Variants in UNC79 observed in about 807,000 individuals in gnomAD.
UNC79 encodes unc-79 subunit of NALCN channel complex.
Under a neutral mutation model 283.1 loss-of-function variants are expected in UNC79, and 37 were observed. The ratio of observed to expected loss-of-function variants is 0.13; its 90% CI spans 0.10 to 0.17. The LOEUF is 0.17. UNC79 is among the 10% of genes least tolerant of loss of function. The pLI, the probability that UNC79 is intolerant of heterozygous loss-of-function variation, is 1.00. For missense variants in UNC79, 2,272 were observed against 3,211.1 expected, an observed-to-expected ratio of 0.71 and a Z score of 7.07; for synonymous variants, 1,107 against 1,200.2, an observed-to-expected ratio of 0.92 and a Z score of 1.61.
intron 4 of UNC79, among the ~76,000 whole-genome samples, chr14:93,478,122 T>A (rs2057907768): frequency 6.6e-6 from 1 of 152,198 alleles, no homozygotes; most frequent in Non-Finnish European, 1.5e-5. Flanking sequence ...CATTAGATAG[T>A]CAGGATGTGT....
intron 30 of UNC79, among the ~76,000 whole-genome samples, chr14:93,624,164 G>T (rs1453229448): frequency 1.3e-5 from 2 of 152,122 alleles, no homozygotes; most frequent in South Asian, 4.1e-4. Flanking sequence ...GAATGCACTC[G>T]GCTTTTTTAT....
exon 23 of UNC79, chr14:93,593,731 C>A: frequency 6.2e-7 from 1 of 1,613,664 alleles, no homozygotes; most frequent in Admixed American, 1.7e-5. Context: ...CCCTGGCAGT[C>A]CCTCTTCTCC....
At chr14:93,360,524 G>A (rs2139939797) in intron 1 of UNC79, among the ~76,000 whole-genome samples, 1 of 152,328 alleles carries the variant, frequency 6.6e-6, no homozygotes, top group South Asian at 2.1e-4. Context: ...CTGGTACCTG[G>A]TATGCAGCCA....
exon 14 of UNC79, chr14:93,542,694 A>C: frequency 6.2e-7 from 1 of 1,614,234 alleles, no homozygotes; most frequent in Non-Finnish European, 8.5e-7. Context: ...GGAATTTGCC[A>C]GGGTAAGTGG....
intron 14 of UNC79, among the ~76,000 whole-genome samples, chr14:93,551,007 C>A (rs1957668): frequency 0.86 from 131,362 of 151,976 alleles, 56,864 homozygotes; most frequent in East Asian, 0.94. Flanking sequence ...CCAAAAAGAG[C>A]TGGTAGGATT....
At chr14:93,667,325 A>G (rs938620714) in intron 40 of UNC79, among the ~76,000 whole-genome samples, 1 of 152,194 alleles carries the variant, frequency 6.6e-6, no homozygotes, top group African/African-American at 2.4e-5. Context: ...GACTAATAAA[A>G]TAGACAAACC....
In UNC79 at chr14:93,600,567, A is replaced by G; in HGVS notation, c.3373-2A>G. ...CTTTTTTTTTTTCCTCCTCTTTCCC[A>G]GGGTCTATGTCTTTGTCTTGACTTC... On this transcript the variant is annotated splice_acceptor_variant, in intron 24 of 48. Coordinates refer to ENST00000555664, the Ensembl canonical transcript of UNC79. LOFTEE classifies it high-confidence loss of function. 1 of 1,587,040 alleles carries G rather than the reference A, an allele frequency of 6.3e-7. No individual in the cohort carries two copies. Among genetic ancestry groups the G allele is most frequent in the Non-Finnish European group, 8.5e-7 (1 of 1,169,908 alleles).
At chr14:93,537,964 T>A (rs1342977024) in intron 11 of UNC79, 25 bp from the exon 12 acceptor site, 1 of 1,590,940 alleles carries the variant, frequency 6.3e-7, no homozygotes, top group Non-Finnish European at 8.5e-7. Flanking sequence ...TCAATTTTAA[T>A]TGATTTCACT....
At chr14:93,397,025 G>A (rs577015890) in intron 1 of UNC79, 11 of 152,156 alleles carry the variant, frequency 7.2e-5, no homozygotes, top group Non-Finnish European at 1.2e-4. Flanking sequence ...AAAAGCCTAG[G>A]ACATCTTGTT....
chr14:93,640,258 C>T (rs138179647), intron 32 of UNC79, among the ~76,000 whole-genome samples: 4 of 152,262 alleles, frequency 2.6e-5, no homozygotes, highest in African/African-American at 7.2e-5. Flanking sequence ...ACCGTGGTAT[C>T]GATTGGCTGA....
Position 93,525,868 on chromosome 14 carries a change from G to A in UNC79, c.963+1826G>A, listed in dbSNP as rs150368794. On this transcript the variant is annotated intron_variant, in intron 8 of 48. Coordinates refer to ENST00000555664, the Ensembl canonical transcript of UNC79. ...GCCTCCTACTCACAGAAAGCATCAT[G>A]AATTAGATTTTCTACTTCTTTTCTA... Among the ~76,000 whole-genome samples, 1,267 of 152,198 alleles carry A rather than the reference G, an allele frequency of 8.3e-3. 9 individuals are homozygous for A. The highest frequency in any genetic ancestry group is 0.012 in the Non-Finnish European group (799 of 68,000).
chr14:93,580,129 C>G lies in UNC79; in HGVS notation c.2434-20C>G, dbSNP rs1049029932. On this transcript the variant is annotated intron_variant, in intron 18 of 48. Transcript: ENST00000555664. Reference sequence around the variant, plus strand: ...TTTTTTGTGTGTGTGTGCGTGTGTCCTTTTTTTGATGTCTTTCAGATGGAG... The same window carrying G: ...TTTTTTGTGTGTGTGTGCGTGTGTCGTTTTTTTGATGTCTTTCAGATGGAG... 9 of 1,594,530 alleles carry G rather than the reference C, an allele frequency of 5.6e-6. No individual in the cohort carries two copies. The highest frequency in any genetic ancestry group is 2.7e-5 in the African/African-American group (2 of 73,840).
At chr14:93,645,868 C>T (rs1308519484) in intron 34 of UNC79, among the ~76,000 whole-genome samples, 2 of 152,026 alleles carry the variant, frequency 1.3e-5, no homozygotes, top group Non-Finnish European at 2.9e-5. Flanking sequence ...TGCTGGACCC[C>T]CTATTCTTCT....
At chr14:93,473,398 A>G (rs996057633) in intron 2 of UNC79, among the ~76,000 whole-genome samples, 8 of 152,204 alleles carry the variant, frequency 5.3e-5, no homozygotes, top group Non-Finnish European at 8.8e-5. Context: ...TCAACTATAT[A>G]TTATTTTATA....
rs752959004 is a variant in UNC79 at position 93,474,280 on chromosome 14, C to T, written c.335C>T (p.Pro112Leu). The T allele has an allele frequency of 2.1e-5, 33 of 1,536,078 alleles. No individual in the cohort carries two copies. Among genetic ancestry groups the T allele is most frequent in the South Asian group, 8.3e-5 (7 of 84,056 alleles). The change falls in exon 3 of 49, where the codon CCG becomes CTG. Residue 112 changes from proline to leucine, a missense_variant. Transcript: ENST00000555664. This position sits in a 1 kb window ranked among gnomAD's most constrained non-coding sequence, Gnocchi z 4.1. ...CGAGATGCTCCCTCAGAACGCGGCC[C>T]GCAAAGTCGTGATGCTCAGTTGTCA... is the stretch of plus-strand genomic sequence containing the variant.
exon 30 of UNC79, chr14:93,622,077 C>A: frequency 6.2e-7 from 1 of 1,614,144 alleles, no homozygotes; most frequent in East Asian, 2.2e-5. Context: ...TCAGATTCAA[C>A]CTCGGGGCCT....
intron 32 of UNC79, 156 bp downstream of exon 35, chr14:93,637,455 A>G: frequency 2.3e-6 from 3 of 1,307,594 alleles, no homozygotes; most frequent in South Asian, 3.1e-5. Context: ...AGTGCGTGAC[A>G]TCTCATCTTT....
chr14:93,697,500 T>C (rs1467365892), intron 47 of UNC79, among the ~76,000 whole-genome samples: 1 of 152,184 alleles, frequency 6.6e-6, no homozygotes, highest in East Asian at 1.9e-4. Context: ...TTCATTGAAA[T>C]CAGGTAGTGT....
chr14:93,577,849 T>C (rs746223881), exon 18 of UNC79: 1 of 1,614,028 alleles, frequency 6.2e-7, no homozygotes, highest in Admixed American at 1.7e-5. Flanking sequence ...TAGGTGAGTG[T>C]TGCCTCTGAT....
Sources: gnomAD v4.1 joint callset for allele counts (sites outside exome capture counted in the v4.1 genomes callset) on GRCh38, gnomAD v4.1.1 for gene constraint, Gnocchi (gnomAD v3.1) non-coding constraint, MANE v1.5 for transcripts, NCBI Gene and HGNC (gene_info 2026-07-23, HGNC 2026-07-21) for gene names.